Variants in MAK observed in about 807,000 individuals in gnomAD.
The protein encoded by MAK is male germ cell associated kinase, also known as serine/threonine-protein kinase MAK.
In MAK, 65 loss-of-function variants were observed where a neutral mutation model predicts 82.6. The observed-to-expected ratio is 0.79, with a 90% CI of 0.64 to 0.97. MAK has a LOEUF of 0.97. Among genes scored for constraint, MAK ranks in the 50% least tolerant of loss-of-function variants. The pLI, the probability that MAK is intolerant of heterozygous loss-of-function variation, is 0.00. For missense variants in MAK, 703 were observed against 780.2 expected, an observed-to-expected ratio of 0.90 and a Z score of 1.18; for synonymous variants, 250 against 274.2, an observed-to-expected ratio of 0.91 and a Z score of 0.87.
chr6:10,826,716 C>G (rs1227546575), intron 2 of MAK: 1 of 152,218 alleles, frequency 6.6e-6, no homozygotes, highest in Non-Finnish European at 1.5e-5. Flanking sequence ...GTTTCCCAGC[C>G]TCCCTGCAGC....
chr6:10,816,272 A>G (rs1302904746), intron 4 of MAK, among the ~76,000 whole-genome samples: 1 of 151,832 alleles, frequency 6.6e-6, no homozygotes, highest in Non-Finnish European at 1.5e-5. Context: ...GAGTCTCACT[A>G]TGTTGCCTAG....
At chr6:10,798,799 A>ATTATTTATTTAT (rs59455975) in intron 8 of MAK, among the ~76,000 whole-genome samples, 11 of 145,014 alleles carry the variant, frequency 7.6e-5, no homozygotes, top group South Asian at 6.7e-4. Context: ...GTTTAGAAAC[A>ATTATTTATTTAT]TTATTTATTT....
intron 4 of MAK, among the ~76,000 whole-genome samples, chr6:10,816,433 A>AT (rs5874289): frequency 0.43 from 65,694 of 151,834 alleles, 16,314 homozygotes; most frequent in Non-Finnish European, 0.55. Context: ...CATGTATTTC[A>AT]TTTTTTTCTT....
chr6:10,780,133 C>T, intron 11 of MAK: 1 of 438,838 alleles, frequency 2.3e-6, no homozygotes, highest in Non-Finnish European at 3.0e-6. Context: ...TCTTCAAAAC[C>T]ACGACCGCCA....
intron 5 of MAK, among the ~76,000 whole-genome samples, chr6:10,811,840 G>A (rs1295682709): frequency 6.6e-6 from 1 of 151,996 alleles, no homozygotes. Flanking sequence ...ATGGAATCCT[G>A]CATAGCATTT....
rs1776048457 is a variant in MAK, at chr6:10,801,978, G to C, written c.745C>G (p.Leu249Val). Residue 249 changes from leucine to valine, a missense_variant, in exon 8 of 15, where the codon CTT (leucine) becomes GTT (valine). By Grantham distance (32) the Leu-to-Val change is conservative. Coordinates refer to ENST00000354489, the MANE Select transcript of MAK (RefSeq NM_001242957.3). ...PQCVPINLKT[L>V]IPNASNEAIQ... ...GCTTCATTACTGGCATTGGGAATAA[G>C]AGTTTTTAAGTTTATAGGAACACAC... The C allele has an allele frequency of 6.2e-7, 1 of 1,614,090 alleles. No individual in the cohort carries two copies. Among genetic ancestry groups the C allele is most frequent in the Non-Finnish European group, 8.5e-7 (1 of 1,179,992 alleles).
chr6:10,817,847 T>C lies in MAK; in HGVS notation c.278+3A>G, dbSNP rs1207210137. 2 of 1,488,862 alleles carry C rather than the reference T, an allele frequency of 1.3e-6. No homozygotes were observed. The highest frequency in any genetic ancestry group is 1.4e-5 in the African/African-American group (1 of 72,486). The allele number at this position is 1,488,862 out of a possible 1,614,324, so 92.2% of individuals were successfully genotyped here. On this transcript the variant is annotated splice_donor_region_variant and intron_variant, in intron 4 of 14. Transcript: ENST00000354489. The stretch of plus-strand genomic sequence containing the variant: ...ACAGGGAAAAACATGAATAAAAACA[T>C]ACCTGTCTTTCATTAATTGATAGAG...
Position 10,776,177 on chromosome 6 carries a change from C to G in MAK, c.1466-718G>C, listed in dbSNP as rs1773444147. ...GGGAAAACAGACACGTGACTAAGAA[C>G]TCAGGAAAACCTTTGAAGTTCGGAG... On this transcript the variant is annotated intron_variant, in intron 11 of 14. Transcript: ENST00000354489. The surrounding 1 kb of genome is among the most constrained non-coding windows in gnomAD (Gnocchi z 4.3). Among the ~76,000 whole-genome samples, 1 of 152,152 alleles carries G rather than the reference C, an allele frequency of 6.6e-6. No individual in the cohort carries two copies. The highest frequency in any genetic ancestry group is 2.4e-5 in the African/African-American group (1 of 41,426).
chr6:10,823,854 G>A (rs1778148397), intron 2 of MAK, among the ~76,000 whole-genome samples: 1 of 152,090 alleles, frequency 6.6e-6, no homozygotes. Flanking sequence ...AATTTTAGGG[G>A]AAAAGTATCG....
At chr6:10,782,378 T>C (rs2127529230) in intron 11 of MAK, among the ~76,000 whole-genome samples, 1 of 152,224 alleles carries the variant, frequency 6.6e-6, no homozygotes, top group South Asian at 2.1e-4. Context: ...TCTTCCTCCT[T>C]ACAAATCAGC....
rs147239984 is a variant in MAK at position 10,766,060 on chromosome 6, G to A, written c.1793-1454C>T. Among the ~76,000 whole-genome samples the A allele has an allele frequency of 4.6e-5, 7 of 152,272 alleles. No homozygotes were observed. The East Asian group carries it at 1.4e-3, about 29-fold the overall frequency. On this transcript the variant is annotated intron_variant, in intron 14 of 14. Transcript: ENST00000354489. ...TCACGCTTTCCTCACCTCGAATTGAGAGCTAAGGTATCACAGGTATTGTAT... is the reference window on the plus strand; with the variant it reads ...TCACGCTTTCCTCACCTCGAATTGAAAGCTAAGGTATCACAGGTATTGTAT...
Position 10,823,848 on chromosome 6 carries a change from T to G in MAK, c.102-4908A>C, listed in dbSNP as rs567173601. Among the ~76,000 whole-genome samples the G allele has an allele frequency of 7.8e-4, 118 of 152,200 alleles. 1 individual carries two copies. The highest frequency in any genetic ancestry group is 2.7e-3 in the African/African-American group (112 of 41,528). ...CCCGGCCTGGAATTTATTTTTAATT[T>G]TAGGGGAAAAGTATCGATGGATCTT... is the stretch of plus-strand genomic sequence containing the variant. On this transcript the variant is annotated intron_variant, in intron 2 of 14. Coordinates refer to ENST00000354489, the MANE Select transcript of MAK (RefSeq NM_001242957.3).
intron 4 of MAK, among the ~76,000 whole-genome samples, chr6:10,815,936 ATATATATAT>A (rs1561991879): frequency 1.3e-5 from 1 of 76,070 alleles, no homozygotes; most frequent in Admixed American, 1.2e-4. Flanking sequence ...ATATATATAT[ATATATATAT>A]ATGTATGTTT....
chr6:10,802,078 A>G lies in MAK; in HGVS notation c.664-19T>C, dbSNP rs1193225700. 2 of 1,611,878 alleles carry G rather than the reference A, an allele frequency of 1.2e-6. No individual in the cohort carries two copies. Among genetic ancestry groups the G allele is most frequent in the South Asian group, 2.2e-5 (2 of 90,860 alleles). On this transcript the variant is annotated intron_variant, in intron 7 of 14. Coordinates refer to ENST00000354489, the MANE Select transcript of MAK (RefSeq NM_001242957.3). Reference sequence around the variant, plus strand: ...AGTCACTCTGTTTCAGGAATATATAAGTGCAGGTGGGGAGGGCAAAACAAA... The same window carrying G: ...AGTCACTCTGTTTCAGGAATATATAGGTGCAGGTGGGGAGGGCAAAACAAA...
At chr6:10,791,593 G>T (rs1366707799) in intron 10 of MAK, 82 bp downstream of exon 10, 11 of 1,298,606 alleles carry the variant, frequency 8.5e-6, no homozygotes, top group Non-Finnish European at 1.1e-5. Flanking sequence ...CTTCTTTTAG[G>T]GTCTACATGC....
intron 5 of MAK, among the ~76,000 whole-genome samples, chr6:10,809,357 A>G (rs1776743787): frequency 6.6e-6 from 1 of 152,158 alleles, no homozygotes; most frequent in Non-Finnish European, 1.5e-5. Flanking sequence ...TTAACGTGTG[A>G]GAAGTGTTTT....
chr6:10,764,584 A>T lies in MAK; in HGVS notation c.1815T>A (p.Thr605=), dbSNP rs570463236. 1.1e-4 allele frequency: 172 copies of T among 1,613,968 alleles called. 1 individual carries two copies. In the South Asian group the frequency reaches 1.8e-3, roughly 17 times the overall value. The change falls in exon 15 of 15, where the codon ACT becomes ACA. Residue 605 remains threonine (T), a synonymous_variant. Coordinates refer to ENST00000354489, the MANE Select transcript of MAK (RefSeq NM_001242957.3). ...TASEYTWNTK[T]GRGQFSGRTY... The stretch of plus-strand genomic sequence containing the variant: ...TACGTCCTGAAAACTGCCCCCGACC[A>T]GTTTTTGTGTTCCAGGTATATTCTG...
intron 10 of MAK, among the ~76,000 whole-genome samples, chr6:10,790,596 CAGTT>C (rs1774992113): frequency 6.6e-6 from 1 of 152,152 alleles, no homozygotes; most frequent in African/African-American, 2.4e-5. Context: ...AGCGAGGAGG[CAGTT>C]AGTGAAATCT....
rs141596036 is a variant in MAK at position 10,783,155 on chromosome 6, C to T, written c.1465+1269G>A. ...CAAAAACACAAAAGAAAAAGATCAT[C>T]TTCTCCCTCACTGGATTAAAGATGT... On this transcript the variant is annotated intron_variant, in intron 11 of 14. Transcript: ENST00000354489. Among the ~76,000 whole-genome samples, 424 of 152,258 alleles carry T rather than the reference C, an allele frequency of 2.8e-3. 2 individuals are homozygous for T. The highest frequency in any genetic ancestry group is 8.8e-3 in the African/African-American group (364 of 41,548).
Sources: gnomAD v4.1 joint callset for allele counts (sites outside exome capture counted in the v4.1 genomes callset) on GRCh38, gnomAD v4.1.1 for gene constraint, Gnocchi (gnomAD v3.1) non-coding constraint, MANE v1.5 for transcripts, NCBI Gene and HGNC (gene_info 2026-07-23, HGNC 2026-07-21) for gene names.